STS: variants seen among roughly 807,000 people sequenced by gnomAD.
STS encodes steroid sulfatase.
In STS, 7 loss-of-function variants were observed where a neutral mutation model predicts 26.8. The ratio of observed to expected loss-of-function variants is 0.26; its 90% CI spans 0.15 to 0.49. The LOEUF (loss-of-function observed/expected upper bound fraction) is 0.49. STS is among the 20% of genes least tolerant of loss of function. The pLI, the probability that STS is intolerant of heterozygous loss-of-function variation, is 0.98. For synonymous variants in STS, 199 were observed against 189.4 expected (o/e 1.05, Z -0.42); for missense variants, 434 against 465.6 (o/e 0.93, Z 0.63).
intron 7 of STS, among the ~76,000 whole-genome samples, chrX:7,278,835 A>T (rs1426614449): frequency 2.7e-5 from 3 of 111,932 alleles, no homozygotes; most frequent in Non-Finnish European, 5.6e-5. Context: ...TGTGGGAGCC[A>T]TAGGCTTTTG....
chrX:7,233,091 C>CTTTTTTTTTTTTTTT (rs3077766), intron 2 of STS, among the ~76,000 whole-genome samples: 1 of 69,874 alleles, frequency 1.4e-5, no homozygotes, highest in Admixed American at 2.0e-4. Flanking sequence ...TTCTTTTTTT[C>CTTTTTTTTTTTTTTT]TTTTTTTTTT....
At chrX:7,178,202 TAAAC>T (rs1225205493) in intron 1 of STS, among the ~76,000 whole-genome samples, 1 of 112,286 alleles carries the variant, frequency 8.9e-6, no homozygotes, top group African/African-American at 3.2e-5. Context: ...ACAAAGCACA[TAAAC>T]AAATCAGAAT....
rs935208051 is a variant in STS at position 7,178,971 on chromosome X, T to C, written c.-133-11909T>C. ...AGTGATAATGGGCTCTCTCTGTCCT[T>C]CTCTCTCTGTCCTTCTCATGAAAGT... is the stretch of plus-strand genomic sequence containing the variant. On this transcript the variant is annotated intron_variant, in intron 1 of 10. Transcript: ENST00000674429. 3.5e-4 allele frequency among the ~76,000 whole-genome samples: 38 copies of C among 109,221 alleles called. 1 individual carries two copies. The Admixed American group carries it at 3.7e-3, about 11-fold the overall frequency. The allele number at this position is 109,221 out of a possible 115,157, so 94.8% of individuals were successfully genotyped here. A position where few individuals can be genotyped will look rare whatever the true frequency, so the allele number is the denominator to read the frequency against.
intron 7 of STS, among the ~76,000 whole-genome samples, chrX:7,282,941 G>C (rs1440921833): frequency 8.9e-6 from 1 of 111,895 alleles, no homozygotes. Flanking sequence ...TGGGCAACCT[G>C]TGACCCACAA....
At chrX:7,289,792 G>A (rs1925321917) in intron 7 of STS, among the ~76,000 whole-genome samples, 1 of 111,489 alleles carries the variant, frequency 9.0e-6, no homozygotes, top group Non-Finnish European at 1.9e-5. Context: ...CTATAAGCAT[G>A]TGCCACCATG....
At chrX:7,335,131 T>G (rs768633300) in intron 10 of STS, among the ~76,000 whole-genome samples, 48 of 112,407 alleles carry the variant, frequency 4.3e-4, no homozygotes, top group Admixed American at 3.3e-3. Flanking sequence ...CCAGTAATGG[T>G]ATGGCTGGAT....
At chrX:7,214,983 T>TAC (rs1177255471) in intron 2 of STS, among the ~76,000 whole-genome samples, 1 of 82,309 alleles carries the variant, frequency 1.2e-5, no homozygotes, top group Non-Finnish European at 2.2e-5. Flanking sequence ...TATATATACA[T>TAC]ATATATACGT....
chrX:7,183,262 C>A (rs1482478513), intron 1 of STS, among the ~76,000 whole-genome samples: 1 of 111,941 alleles, frequency 8.9e-6, no homozygotes, highest in Non-Finnish European at 1.9e-5. Context: ...GAGAAACCTT[C>A]AGAACTCATT....
chrX:7,287,389 A>G (rs1233894745), intron 7 of STS, among the ~76,000 whole-genome samples: 2 of 111,864 alleles, frequency 1.8e-5, no homozygotes, highest in Admixed American at 1.9e-4. Flanking sequence ...GGAATGACCC[A>G]TGAAATCTCA....
intron 1 of STS, among the ~76,000 whole-genome samples, chrX:7,160,582 A>C (rs1192773353): frequency 1.8e-5 from 2 of 112,165 alleles, no homozygotes; most frequent in African/African-American, 6.5e-5. Context: ...TATAGTTTAC[A>C]CAAAAGAGAA....
chrX:7,203,941 C>T (rs1334612152), intron 2 of STS, among the ~76,000 whole-genome samples: 11 of 110,871 alleles, frequency 9.9e-5, no homozygotes, highest in Non-Finnish European at 1.9e-4. Flanking sequence ...TGTTCTACCA[C>T]GCCCAGATAA....
intron 2 of STS, among the ~76,000 whole-genome samples, chrX:7,215,800 G>A (rs757402233): frequency 8.9e-6 from 1 of 111,912 alleles, no homozygotes; most frequent in African/African-American, 3.2e-5. Context: ...TCACTCCTTC[G>A]CCTTTGGGCC....
intron 9 of STS, among the ~76,000 whole-genome samples, chrX:7,331,618 C>T (rs1927753273): frequency 8.9e-6 from 1 of 111,859 alleles, no homozygotes; most frequent in African/African-American, 3.3e-5. Context: ...CATTTTTGTA[C>T]TAGCAGCGTT....
At chrX:7,160,606 ACCTCATATATGAAAATACTGCACC>A (rs1933221545) in intron 1 of STS, among the ~76,000 whole-genome samples, 1 of 111,704 alleles carries the variant, frequency 9.0e-6, no homozygotes. Flanking sequence ...AAATCAATTA[ACCTCATATATGAAAATACTGCACC>A]CACTGCTTCT....
chrX:7,168,899 C>G (rs1349677694), intron 1 of STS, among the ~76,000 whole-genome samples: 3 of 111,506 alleles, frequency 2.7e-5, no homozygotes, highest in African/African-American at 9.8e-5. Context: ...TTGGGGATGT[C>G]ATATCATGCT....
intron 8 of STS, among the ~76,000 whole-genome samples, chrX:7,322,200 G>C (rs1927069257): frequency 8.9e-6 from 1 of 112,341 alleles, no homozygotes; most frequent in Non-Finnish European, 1.9e-5. Flanking sequence ...GGTTAGGAGA[G>C]GGGAGAAGAG....
intron 2 of STS, among the ~76,000 whole-genome samples, chrX:7,231,014 G>A (rs1455419601): frequency 8.9e-6 from 1 of 112,080 alleles, no homozygotes; most frequent in Admixed American, 9.5e-5. Flanking sequence ...TCCACTCTTA[G>A]GTATGTACCC....
rs148164582 is a variant in STS at position 7,243,263 on chromosome X, A to G, written c.-4-9933A>G. ...TTCTTTGTAGAGATGGGATCTTGCT[A>G]TGTTCCTGCAGCTGGTCTTGAACTC... On this transcript the variant is annotated intron_variant, in intron 2 of 10. Transcript: ENST00000674429. Among the ~76,000 whole-genome samples the G allele has an allele frequency of 6.9e-3, 769 of 111,849 alleles. 4 individuals carry two copies. The highest frequency in any genetic ancestry group is 0.024 in the African/African-American group (732 of 30,783).
At chrX:7,253,892 C>T (rs186802794) in intron 3 of STS, among the ~76,000 whole-genome samples, 47 of 112,486 alleles carry the variant, frequency 4.2e-4, no homozygotes, top group African/African-American at 1.4e-3. Flanking sequence ...GCTCATAGTT[C>T]TGGAGGCTGG....
Sources: allele counts gnomAD v4.1 joint callset (sites outside exome capture counted in the v4.1 genomes callset), GRCh38; gene constraint gnomAD v4.1.1; transcripts MANE v1.5; gene names NCBI Gene and HGNC (gene_info 2026-07-23, HGNC 2026-07-21).